The following KHDRBS2 variants were observed in gnomAD, a reference collection of about 807,000 sequenced individuals.
KHDRBS2 encodes KH RNA binding domain containing, signal transduction associated 2.
A neutral mutation model predicts 44.3 loss-of-function variants in KHDRBS2; 26 were observed. That is an observed-to-expected ratio of 0.59 (90% confidence interval 0.43 to 0.81). KHDRBS2 has a LOEUF of 0.81. Ranked by LOEUF, KHDRBS2 falls within the 40% of genes least tolerant of loss-of-function variation. The pLI, the probability that KHDRBS2 is intolerant of heterozygous loss-of-function variation, is 0.00. For synonymous variants in KHDRBS2, 194 were observed against 151.1 expected (o/e 1.28, Z -2.08); for missense variants, 476 against 433.1 (o/e 1.10, Z -0.88).
At chr6:61,845,419 C>T (rs1724501779) in intron 6 of KHDRBS2, among the ~76,000 whole-genome samples, 1 of 151,062 alleles carries the variant, frequency 6.6e-6, no homozygotes. Flanking sequence ...GAGCGATTCT[C>T]CTGCCTCAGC....
intron 3 of KHDRBS2, among the ~76,000 whole-genome samples, chr6:62,031,935 G>C (rs1317397726): frequency 6.6e-6 from 1 of 152,056 alleles, no homozygotes; most frequent in Non-Finnish European, 1.5e-5. Context: ...GCAAGATCTA[G>C]CACCTTGCTG....
At chr6:61,790,990 G>T (rs981733524) in intron 6 of KHDRBS2, among the ~76,000 whole-genome samples, 1 of 151,186 alleles carries the variant, frequency 6.6e-6, no homozygotes, top group Non-Finnish European at 1.5e-5. Flanking sequence ...AGCCAATTTT[G>T]TCATGTTATA....
chr6:61,716,001 G>A (rs1374910887), intron 7 of KHDRBS2, among the ~76,000 whole-genome samples: 6 of 150,472 alleles, frequency 4.0e-5, no homozygotes, highest in South Asian at 2.1e-4. Flanking sequence ...TTCCATTCTC[G>A]AACCATGCTG....
chr6:61,934,123 C>T (rs1017855280), intron 4 of KHDRBS2, among the ~76,000 whole-genome samples: 2 of 151,130 alleles, frequency 1.3e-5, no homozygotes, highest in South Asian at 2.1e-4. Context: ...GGTCTTTTGC[C>T]CATTTTTTAA....
At chr6:62,118,164 AAAGTATGTT>A (rs1185019958) in intron 2 of KHDRBS2, among the ~76,000 whole-genome samples, 1 of 152,190 alleles carries the variant, frequency 6.6e-6, no homozygotes, top group East Asian at 1.9e-4. Context: ...ACCAATACCC[AAAGTATGTT>A]AATGGTGTCT....
chr6:61,591,507 C>T, the KHDRBS2 span, among the ~76,000 whole-genome samples: 3,718 of 152,100 alleles, frequency 0.024, 71 homozygotes, highest in Middle Eastern at 0.086. Flanking sequence ...AGAAACCATC[C>T]TGTTGGTCAG....
chr6:62,025,644 C>T (rs1291319462), intron 3 of KHDRBS2, among the ~76,000 whole-genome samples: 1 of 151,488 alleles, frequency 6.6e-6, no homozygotes, highest in Non-Finnish European at 1.5e-5. Context: ...TTTTTTAATA[C>T]TTTTTTTGGT....
At chr6:61,862,729 T>G (rs969369953) in intron 6 of KHDRBS2, among the ~76,000 whole-genome samples, 1 of 152,158 alleles carries the variant, frequency 6.6e-6, no homozygotes, top group African/African-American at 2.4e-5. Context: ...TGCCAGCATT[T>G]TATTGAGCAT....
chr6:61,829,192 C>T (rs1241491504), intron 6 of KHDRBS2, among the ~76,000 whole-genome samples: 35 of 152,282 alleles, frequency 2.3e-4, no homozygotes, highest in African/African-American at 7.5e-4. Flanking sequence ...GACGCAGTCT[C>T]GCTCTGTCGC....
At chr6:61,579,526 T>C in the KHDRBS2 span, among the ~76,000 whole-genome samples, 4 of 152,102 alleles carry the variant, frequency 2.6e-5, no homozygotes, top group South Asian at 6.2e-4. Flanking sequence ...GCAGAAGAGA[T>C]AGAGTGATAG....
chr6:61,760,653 GA>G (rs899082153), intron 6 of KHDRBS2, among the ~76,000 whole-genome samples: 1 of 147,468 alleles, frequency 6.8e-6, no homozygotes, highest in Non-Finnish European at 1.5e-5. Flanking sequence ...AGGAAAAAAA[GA>G]AAAAAAAAGA....
intron 2 of KHDRBS2, among the ~76,000 whole-genome samples, chr6:62,139,577 T>C (rs1311472175): frequency 6.6e-6 from 1 of 151,594 alleles, no homozygotes; most frequent in African/African-American, 2.4e-5. Context: ...AAGAAATTTA[T>C]ATGTAATGAC....
At chr6:62,060,017 T>A (rs926045124) in intron 2 of KHDRBS2, among the ~76,000 whole-genome samples, 6 of 151,820 alleles carry the variant, frequency 4.0e-5, no homozygotes, top group African/African-American at 1.5e-4. Flanking sequence ...AAACCTTCCC[T>A]GGAAAGGAAG....
At chr6:61,975,723 A>T (rs1467947675) in intron 4 of KHDRBS2, among the ~76,000 whole-genome samples, 2 of 151,810 alleles carry the variant, frequency 1.3e-5, no homozygotes, top group East Asian at 3.9e-4. Context: ...GCTATGCGGA[A>T]AATAAGTGAA....
chr6:62,263,857 G>T (rs1484010235), intron 1 of KHDRBS2, among the ~76,000 whole-genome samples: 1 of 151,700 alleles, frequency 6.6e-6, no homozygotes, highest in African/African-American at 2.4e-5. Context: ...TAAATGAATA[G>T]CATATTTTGT....
the KHDRBS2 span, among the ~76,000 whole-genome samples, chr6:61,635,910 C>T: frequency 6.6e-6 from 1 of 152,006 alleles, no homozygotes; most frequent in Non-Finnish European, 1.5e-5. Flanking sequence ...AATCTGAGTA[C>T]ATCTCCCAAA....
chr6:62,224,091 T>G (rs1831350481), intron 1 of KHDRBS2, among the ~76,000 whole-genome samples: 1 of 152,156 alleles, frequency 6.6e-6, no homozygotes, highest in South Asian at 2.1e-4. Context: ...TACTGGAGAC[T>G]GGGAAGAAAA....
intron 8 of KHDRBS2, among the ~76,000 whole-genome samples, chr6:61,685,755 C>CTT (rs1239165089): frequency 6.6e-6 from 1 of 151,672 alleles, no homozygotes; most frequent in African/African-American, 2.4e-5. Flanking sequence ...GAAATGAGGC[C>CTT]TATTAAGTGC....
chr6:61,781,214 T>G (rs570118396), intron 6 of KHDRBS2, among the ~76,000 whole-genome samples: 3 of 152,256 alleles, frequency 2.0e-5, no homozygotes, highest in African/African-American at 7.2e-5. Context: ...ATTAATCATT[T>G]TAAGACAGAT....
Sources: gnomAD v4.1 joint callset for allele counts (sites outside exome capture counted in the v4.1 genomes callset) on GRCh38, gnomAD v4.1.1 for gene constraint, MANE v1.5 for transcripts, NCBI Gene and HGNC (gene_info 2026-07-23, HGNC 2026-07-21) for gene names.